PAK5: variants seen among roughly 807,000 people sequenced by gnomAD.
The protein encoded by PAK5 is p21 (RAC1) activated kinase 5.
Under a neutral mutation model 65.9 loss-of-function variants are expected in PAK5, and 16 were observed. That is an observed-to-expected ratio of 0.24 (90% CI 0.16 to 0.37). The LOEUF (loss-of-function observed/expected upper bound fraction) is 0.37, where lower values mean the gene tolerates loss of function less well. Ranked by LOEUF, PAK5 falls within the 10% of genes least tolerant of loss-of-function variation. PAK5 has a pLI of 1.00. For missense variants in PAK5, 785 were observed against 903.9 expected (o/e 0.87, Z 1.69); for synonymous variants, 371 against 354.9 (o/e 1.05, Z -0.51).
chr20:9,587,438 T>G (rs2046089676), intron 3 of PAK5, among the ~76,000 whole-genome samples: 1 of 152,176 alleles, frequency 6.6e-6, no homozygotes, highest in African/African-American at 2.4e-5. Flanking sequence ...TTATTCTTCT[T>G]AAAAACGTAA....
chr20:9,628,018 G>T lies in PAK5; in HGVS notation c.204+16107C>A, dbSNP rs534309796. On this transcript the variant is annotated intron_variant, in intron 3 of 9. Coordinates refer to ENST00000353224, the MANE Select transcript of PAK5 (RefSeq NM_177990.4). The stretch of plus-strand genomic sequence containing the variant: ...TTATTCCAAATGGTATTCCTAAAAT[G>T]ATGAAGACATACATGTATAATTTTT... Among the ~76,000 whole-genome samples, 26 of 152,256 alleles carry T rather than the reference G, an allele frequency of 1.7e-4. 2 individuals carry two copies. The South Asian group carries it at 2.5e-3, about 15-fold the overall frequency.
At chr20:9,717,016 T>C (rs1472715672) in intron 1 of PAK5, among the ~76,000 whole-genome samples, 3 of 149,672 alleles carry the variant, frequency 2.0e-5, no homozygotes, top group Non-Finnish European at 4.4e-5. Context: ...ACCTGGGAGG[T>C]AGAGGTTGCA....
intron 1 of PAK5, among the ~76,000 whole-genome samples, chr20:9,798,032 C>A (rs2049125545): frequency 6.6e-6 from 1 of 152,078 alleles, no homozygotes. Flanking sequence ...GAACTATTAG[C>A]TGTGGCATAT....
At chr20:9,787,264 A>G (rs1429916810) in intron 1 of PAK5, among the ~76,000 whole-genome samples, 1 of 152,038 alleles carries the variant, frequency 6.6e-6, no homozygotes, top group African/African-American at 2.4e-5. Context: ...ACTTCTTCCT[A>G]TTGTCCCTCT....
At chr20:9,681,314 C>A (rs1276552067) in intron 2 of PAK5, among the ~76,000 whole-genome samples, 1 of 151,992 alleles carries the variant, frequency 6.6e-6, no homozygotes, top group Non-Finnish European at 1.5e-5. Context: ...ACATATGCTT[C>A]TTATTTCTTT....
At chr20:9,539,723 G>A (rs756608930) in intron 9 of PAK5, 106 bp from the exon 10 acceptor site, 30 of 862,848 alleles carry the variant, frequency 3.5e-5, no homozygotes, top group Non-Finnish European at 5.6e-5. Flanking sequence ...ATTCCAGAAA[G>A]TTACCTTAAG....
intron 2 of PAK5, among the ~76,000 whole-genome samples, chr20:9,663,902 G>C (rs1194361376): frequency 6.6e-6 from 1 of 152,124 alleles, no homozygotes; most frequent in African/African-American, 2.4e-5. Context: ...TTATCCATAG[G>C]CTCATCAGTA....
At chr20:9,759,771 G>T (rs2048677466) in intron 1 of PAK5, among the ~76,000 whole-genome samples, 1 of 152,144 alleles carries the variant, frequency 6.6e-6, no homozygotes, top group East Asian at 1.9e-4. Flanking sequence ...GGCAGGAAGA[G>T]AATGTTGCCT....
At chr20:9,674,834 CCCCATGTCAGTCATGTTTGTAA>C (rs1490166775) in intron 2 of PAK5, among the ~76,000 whole-genome samples, 2 of 152,012 alleles carry the variant, frequency 1.3e-5, no homozygotes, top group African/African-American at 4.8e-5. Context: ...GGAGCTTGTA[CCCCATGTCAGTCATGTTTGTAA>C]CCCATGTCAG....
At chr20:9,793,571 G>GA (rs372828384) in intron 1 of PAK5, among the ~76,000 whole-genome samples, 15 of 150,216 alleles carry the variant, frequency 1.0e-4, no homozygotes, top group African/African-American at 2.4e-4. Flanking sequence ...ATAAACATAT[G>GA]AAAAAAAAAC....
At chr20:9,574,728 G>A (rs906316167) in intron 4 of PAK5, among the ~76,000 whole-genome samples, 7 of 152,316 alleles carry the variant, frequency 4.6e-5, no homozygotes, top group African/African-American at 1.4e-4. Flanking sequence ...AGGGACAGAC[G>A]TTAGAGATAG....
At chr20:9,703,241 G>A (rs2123467580) in intron 2 of PAK5, among the ~76,000 whole-genome samples, 1 of 152,248 alleles carries the variant, frequency 6.6e-6, no homozygotes. Flanking sequence ...ACTGAATCTT[G>A]ACTTATGAGT....
At chr20:9,795,534 C>A (rs539086271) in intron 1 of PAK5, among the ~76,000 whole-genome samples, 12 of 152,176 alleles carry the variant, frequency 7.9e-5, no homozygotes, top group African/African-American at 2.4e-4. Context: ...CAATTATATA[C>A]AATAAATGGA....
intron 4 of PAK5, among the ~76,000 whole-genome samples, 158 bp from the exon 5 acceptor site, chr20:9,566,542 A>T (rs1351318844): frequency 3.3e-5 from 5 of 151,936 alleles, no homozygotes; most frequent in African/African-American, 9.7e-5. Flanking sequence ...ACACCTAGGG[A>T]AGGGCCTTCT....
chr20:9,788,106 T>C (rs989800182), intron 1 of PAK5, among the ~76,000 whole-genome samples: 7 of 152,038 alleles, frequency 4.6e-5, no homozygotes, highest in African/African-American at 9.7e-5. Flanking sequence ...AAAGAAAGCA[T>C]TGACTTTGTT....
At chr20:9,736,043 A>G (rs1007170533) in intron 1 of PAK5, among the ~76,000 whole-genome samples, 1 of 151,658 alleles carries the variant, frequency 6.6e-6, no homozygotes, top group South Asian at 2.1e-4. Flanking sequence ...CTGGGATTAC[A>G]GGCATGCACC....
At chr20:9,671,879 T>C (rs929437333) in intron 2 of PAK5, among the ~76,000 whole-genome samples, 5 of 152,124 alleles carry the variant, frequency 3.3e-5, no homozygotes, top group African/African-American at 1.2e-4. Context: ...GCTTCCAGTT[T>C]TTGTCCATTC....
In PAK5 at chr20:9,563,011, C is replaced by T. The variant is rs368217948; in HGVS notation, c.1496G>A (p.Arg499Gln). 35 of 1,612,772 alleles carry T rather than the reference C, an allele frequency of 2.2e-5. No individual in the cohort carries two copies. The highest frequency in any genetic ancestry group is 5.5e-5 in the South Asian group (5 of 90,952). ...ELLFNEVVIM[R>Q]DYHHDNVVDM... ...AACCACATTGTCATGGTGGTAATCCCGCATGATCACGACCTGGGGAAACGG... is the reference window on the plus strand; with the variant it reads ...AACCACATTGTCATGGTGGTAATCCTGCATGATCACGACCTGGGGAAACGG... The change falls in exon 6 of 10, where the codon CGG becomes CAG. Residue 499 changes from arginine (R) to glutamine (Q), a missense_variant. Physicochemically the swap from Arg to Gln is conservative, Grantham distance 43 (BLOSUM62 1). This residue lies in a region of PAK5 where 182 missense variants were observed against 273.0 expected (regional missense o/e 0.67). Coordinates refer to ENST00000353224, the MANE Select transcript of PAK5 (RefSeq NM_177990.4).
intron 2 of PAK5, among the ~76,000 whole-genome samples, chr20:9,660,388 A>AT (rs896697225): frequency 7.3e-6 from 1 of 136,152 alleles, no homozygotes; most frequent in Non-Finnish European, 1.6e-5. Flanking sequence ...TTTGACAAGT[A>AT]TTTTTTGTGC....
Sources: allele counts gnomAD v4.1 joint callset (sites outside exome capture counted in the v4.1 genomes callset), GRCh38; gene constraint gnomAD v4.1.1; regional missense constraint gnomAD v4.1.1; transcripts MANE v1.5; gene names NCBI Gene and HGNC (gene_info 2026-07-23, HGNC 2026-07-21).